TOX3: variants seen among roughly 807,000 people sequenced by gnomAD.
TOX3 encodes TOX high mobility group box family member 3.
Under a neutral mutation model 64.3 loss-of-function variants are expected in TOX3, and 22 were observed. That is an observed-to-expected ratio of 0.34 (90% CI 0.24 to 0.49). The LOEUF is 0.49. Among genes scored for constraint, TOX3 ranks in the 20% least tolerant of loss-of-function variants. The pLI is 0.99. For synonymous variants in TOX3, 291 were observed against 273.6 expected (o/e 1.06, Z -0.63); for missense variants, 661 against 714.4 (o/e 0.93, Z 0.85).
intron 3 of TOX3, among the ~76,000 whole-genome samples, chr16:52,450,798 AAG>A: frequency 3.1e-5 from 1 of 32,704 alleles, no homozygotes; most frequent in African/African-American, 1.2e-4. Flanking sequence ...ATGTGGAAGG[AAG>A]GAAGGAAGGA....
chr16:52,444,620 G>T (rs1317110825), intron 5 of TOX3: 7 of 327,114 alleles, frequency 2.1e-5, no homozygotes, highest in Non-Finnish European at 3.8e-5. Context: ...AAGATTTCTG[G>T]ATGCAATACA....
At chr16:52,476,543 G>A (rs16951206) in intron 1 of TOX3, among the ~76,000 whole-genome samples, 5,309 of 151,700 alleles carry the variant, frequency 0.035, 126 homozygotes, top group East Asian at 0.093. Flanking sequence ...TTTGAGATTG[G>A]CCAAGCAACC....
chr16:52,443,921 C>T (rs1960080371), intron 6 of TOX3, among the ~76,000 whole-genome samples: 1 of 152,088 alleles, frequency 6.6e-6, no homozygotes, highest in South Asian at 2.1e-4. Flanking sequence ...AATATGATGT[C>T]CAAAAATGCC....
chr16:52,467,091 ATGTTCAAAACATT>A (rs2151758145), intron 2 of TOX3, among the ~76,000 whole-genome samples: 1 of 152,344 alleles, frequency 6.6e-6, no homozygotes, highest in African/African-American at 2.4e-5. Context: ...CTGTACTGAA[ATGTTCAAAACATT>A]TGTTCCTTTT....
intron 1 of TOX3, among the ~76,000 whole-genome samples, chr16:52,487,611 A>G (rs897222395): frequency 6.6e-6 from 1 of 152,216 alleles, no homozygotes. Flanking sequence ...AAACAGGATT[A>G]AAGGATTGTT....
At chr16:52,506,807 A>G (rs1230206663) in intron 1 of TOX3, among the ~76,000 whole-genome samples, 1 of 152,228 alleles carries the variant, frequency 6.6e-6, no homozygotes, top group Non-Finnish European at 1.5e-5. Context: ...TCTCCTAATT[A>G]GAGCTCTGAC....
At chr16:52,450,859 A>AGG (rs1304099421) in intron 3 of TOX3, among the ~76,000 whole-genome samples, 37 of 145,344 alleles carry the variant, frequency 2.5e-4, no homozygotes, top group South Asian at 6.6e-4. Flanking sequence ...GAAGGAAGGA[A>AGG]AAAAAGAAGA....
At chr16:52,525,681 G>A (rs1003722154) in intron 1 of TOX3, among the ~76,000 whole-genome samples, 5 of 152,080 alleles carry the variant, frequency 3.3e-5, no homozygotes, top group Admixed American at 1.3e-4. Flanking sequence ...ATGCAAGTGC[G>A]TGCATGCCTG....
intron 1 of TOX3, among the ~76,000 whole-genome samples, chr16:52,507,475 A>C (rs987044729): frequency 2.6e-5 from 4 of 152,242 alleles, no homozygotes; most frequent in Non-Finnish European, 5.9e-5. Flanking sequence ...CGTGACTTAA[A>C]GAATATAAGT....
intron 5 of TOX3, chr16:52,444,672 C>T: frequency 4.4e-6 from 1 of 229,240 alleles, no homozygotes. Context: ...AGCTGAAAAC[C>T]TCATGCTAAG....
chr16:52,444,499 G>GCGCACA lies in TOX3; in HGVS notation c.907-144_907-143insTGTGCG, dbSNP rs374601775. On this transcript the variant is annotated intron_variant, in intron 5 of 6. Coordinates refer to ENST00000219746, the MANE Select transcript of TOX3 (RefSeq NM_001080430.4). ...CTTTGATTTTTAAATGTTAGCGCAT[G>GCGCACA]CACACACACACACACACACACACAC... 1.3e-3 allele frequency: 483 copies of GCGCACA among 380,854 alleles called. 3 individuals carry two copies. The highest frequency in any genetic ancestry group is 8.9e-3 in the African/African-American group (401 of 44,848). 23.6% of individuals were successfully genotyped at this position (380,854 alleles called of 1,614,324 possible). A position where few individuals can be genotyped will look rare whatever the true frequency, so the allele number is the denominator to read the frequency against.
Position 52,437,609 on chromosome 16 carries a change from G to C in TOX3, c.*1616C>G, listed in dbSNP as rs557684789. 9.8e-5 allele frequency: 15 copies of C among 152,658 alleles called. No individual in the cohort carries two copies. The highest frequency in any genetic ancestry group is 3.6e-4 in the African/African-American group (15 of 41,554). The allele number at this position is 152,658 out of a possible 1,614,324, so 9.5% of individuals were successfully genotyped here. Reference sequence around the variant, plus strand: ...GGATAGTGGTCACACTGCTCTCAAAGAGGAACCGCTACAGAGCAAGAAAAG... The same window carrying C: ...GGATAGTGGTCACACTGCTCTCAAACAGGAACCGCTACAGAGCAAGAAAAG... On this transcript the variant is annotated 3_prime_UTR_variant, in exon 7 of 7. Coordinates refer to ENST00000219746, the MANE Select transcript of TOX3 (RefSeq NM_001080430.4).
Position 52,464,074 on chromosome 16 carries a change from C to G in TOX3, c.268G>C (p.Ala90Pro). 1 of 1,604,728 alleles carries G rather than the reference C, an allele frequency of 6.2e-7. No individual in the cohort carries two copies. The highest frequency in any genetic ancestry group is 8.5e-7 in the Non-Finnish European group (1 of 1,175,942). ...GMPDVLLPFQ[A>P]LSDPLPSQGS... is the part of the protein sequence containing the mutation. ...TGGGAAGGCAATGGATCGCTGAGGGCTTGAAAGGGTAGCAGTACATCCGGC... is the reference window on the plus strand; with the variant it reads ...TGGGAAGGCAATGGATCGCTGAGGGGTTGAAAGGGTAGCAGTACATCCGGC... The change falls in exon 3 of 7, where the codon GCC becomes CCC. Residue 90 changes from alanine to proline, a missense_variant. By Grantham distance (27) the Ala-to-Pro change is conservative. This residue lies in a region of TOX3 where 259 missense variants were observed against 261.2 expected (regional missense o/e 0.99). Coordinates refer to ENST00000219746, the MANE Select transcript of TOX3 (RefSeq NM_001080430.4).
chr16:52,496,677 C>A (rs141339488), intron 1 of TOX3, among the ~76,000 whole-genome samples: 1 of 152,292 alleles, frequency 6.6e-6, no homozygotes, highest in Non-Finnish European at 1.5e-5. Flanking sequence ...TCAGATCCCA[C>A]TTTTATGGGA....
At chr16:52,459,106 G>T (rs981946104) in intron 3 of TOX3, among the ~76,000 whole-genome samples, 6 of 152,142 alleles carry the variant, frequency 3.9e-5, no homozygotes, top group Admixed American at 1.3e-4. Context: ...TGGAAGCCAG[G>T]AATTCAAGAC....
chr16:52,493,709 C>G (rs1036978881), intron 1 of TOX3, among the ~76,000 whole-genome samples: 1 of 152,156 alleles, frequency 6.6e-6, no homozygotes, highest in Non-Finnish European at 1.5e-5. Context: ...AACAAGGCTT[C>G]TCATCTAAAC....
rs147499445 is a variant in TOX3 at position 52,481,661 on chromosome 16, A to G, written c.88-13087T>C. Among the ~76,000 whole-genome samples the G allele has an allele frequency of 6.6e-5, 10 of 152,354 alleles. No individual in the cohort carries two copies. In the East Asian group the frequency reaches 1.9e-3, roughly 29 times the overall value. On this transcript the variant is annotated intron_variant, in intron 1 of 6. Coordinates refer to ENST00000219746, the MANE Select transcript of TOX3 (RefSeq NM_001080430.4). ...AGCTGATAAGAAATTATGGGAATCTATGAAACCACTGGTACCAGTCTGGCT... is the reference window on the plus strand; with the variant it reads ...AGCTGATAAGAAATTATGGGAATCTGTGAAACCACTGGTACCAGTCTGGCT...
intron 1 of TOX3, among the ~76,000 whole-genome samples, chr16:52,499,114 C>T (rs1961934498): frequency 6.6e-6 from 1 of 152,122 alleles, no homozygotes; most frequent in South Asian, 2.1e-4. Context: ...TATAAAATTG[C>T]TATTATAACA....
In TOX3 at chr16:52,546,860, A is replaced by C; in HGVS notation, c.-137T>G. On this transcript the variant is annotated 5_prime_UTR_variant, in exon 1 of 7. Coordinates refer to ENST00000219746, the MANE Select transcript of TOX3 (RefSeq NM_001080430.4). Reference sequence around the variant, plus strand: ...GACTCGCGGCCGGAGGGGCGCCGGGACCCAGAGCCCGAGGAGCTCGGGAGC... The same window carrying C: ...GACTCGCGGCCGGAGGGGCGCCGGGCCCCAGAGCCCGAGGAGCTCGGGAGC... The C allele has an allele frequency of 2.5e-6, 3 of 1,217,276 alleles. No individual in the cohort carries two copies. Among genetic ancestry groups the C allele is most frequent in the Non-Finnish European group, 3.1e-6 (3 of 978,266 alleles). 75.4% of individuals were successfully genotyped at this position (1,217,276 alleles called of 1,614,324 possible).
Sources: gnomAD v4.1 joint callset for allele counts (sites outside exome capture counted in the v4.1 genomes callset) on GRCh38, gnomAD v4.1.1 for gene constraint, gnomAD v4.1.1 regional missense constraint, MANE v1.5 for transcripts, NCBI Gene and HGNC (gene_info 2026-07-23, HGNC 2026-07-21) for gene names.